The following SUN1 variants were observed in gnomAD, a reference collection of about 807,000 sequenced individuals.
SUN1 encodes the protein Sad1 and UNC84 domain containing 1, also known as SUN domain-containing protein 1.
In SUN1, 61 loss-of-function variants were observed where a neutral mutation model predicts 103.2. The ratio of observed to expected loss-of-function variants is 0.59; its 90% CI spans 0.48 to 0.73. The LOEUF (loss-of-function observed/expected upper bound fraction) is 0.73, where lower values mean the gene tolerates loss of function less well. SUN1 is among the 30% of genes least tolerant of loss of function. The pLI, the probability that SUN1 is intolerant of heterozygous loss-of-function variation, is 0.00. For synonymous variants in SUN1, 490 were observed against 425.7 expected, an observed-to-expected ratio of 1.15 and a Z score of -1.86; for missense variants, 1,052 against 1,034.6, an observed-to-expected ratio of 1.02 and a Z score of -0.23.
intron 1 of SUN1, among the ~76,000 whole-genome samples, chr7:821,101 C>T (rs1451320423): frequency 6.6e-6 from 1 of 151,188 alleles, no homozygotes; most frequent in Non-Finnish European, 1.5e-5. Flanking sequence ...AAAAAATAGC[C>T]CTTTCTCAAA....
intron 1 of SUN1, among the ~76,000 whole-genome samples, chr7:821,232 C>T (rs1334484040): frequency 1.6e-5 from 2 of 125,284 alleles, no homozygotes; most frequent in East Asian, 2.3e-4. Flanking sequence ...TGCAGTGGAG[C>T]GATCTCGGCT....
intron 1 of SUN1, chr7:817,217 C>T (rs376692771): frequency 3.8e-5 from 22 of 583,520 alleles, no homozygotes; most frequent in East Asian, 1.5e-4. Context: ...GCCTCCGCCT[C>T]CCGAAGCGCT....
At chr7:869,199 T>A in intron 16 of SUN1, 150 bp from the exon 17 acceptor site, 3 of 953,342 alleles carry the variant, frequency 3.1e-6, no homozygotes, top group African/African-American at 1.7e-5. Context: ...TACAAATGCC[T>A]TTCCCAGCTT....
chr7:853,832 A>G (rs537928046), intron 10 of SUN1, among the ~76,000 whole-genome samples: 4 of 152,304 alleles, frequency 2.6e-5, no homozygotes, highest in South Asian at 4.1e-4. Context: ...CATAGCGCAC[A>G]TGGAAGTGGT....
chr7:854,969 T>C lies in SUN1; in HGVS notation c.1313T>C (p.Leu438Ser), dbSNP rs202208773. The change falls in exon 11 of 19, where the codon TTG (leucine) becomes TCG (serine). Residue 438 changes from leucine (L) to serine (S), a missense_variant. By Grantham distance (145) the Leu-to-Ser change is moderately radical. Around this residue, in one of 2 missense-constraint regions of SUN1, gnomAD observed 846 missense variants for 774.5 expected, o/e 1.09. Transcript: ENST00000401592. ...GAACATGAAGTGCGTATGTCACACTTGGAAGATATTCTGGGAAAACTGAGA... is the reference window on the plus strand; with the variant it reads ...GAACATGAAGTGCGTATGTCACACTCGGAAGATATTCTGGGAAAACTGAGA... The part of the protein sequence containing the change: ...HQEHEVRMSH[L>S]EDILGKLREK... The C allele has an allele frequency of 6.2e-7, 1 of 1,613,958 alleles. No individual in the cohort carries two copies. Among genetic ancestry groups the C allele is most frequent in the Non-Finnish European group, 8.5e-7 (1 of 1,179,940 alleles).
At chr7:847,045 AGATTCTG>A (rs1212440184) in intron 5 of SUN1, among the ~76,000 whole-genome samples, 3 of 152,218 alleles carry the variant, frequency 2.0e-5, no homozygotes, top group African/African-American at 7.2e-5. Flanking sequence ...GCAAAGGAGG[AGATTCTG>A]GTGCTCCAGT....
intron 1 of SUN1, among the ~76,000 whole-genome samples, chr7:835,437 A>T (rs1465232926): frequency 6.6e-6 from 1 of 152,248 alleles, no homozygotes; most frequent in Non-Finnish European, 1.5e-5. Flanking sequence ...GGGCTTCTTA[A>T]TGTATTTAGT....
At chr7:816,500 C>A, upstream of SUN1, 2 of 278,296 alleles carry the variant, frequency 7.2e-6, no homozygotes, top group South Asian at 2.6e-5. Flanking sequence ...GCCCGCGGCC[C>A]GTAGCCGCCT....
chr7:869,529 G>C lies in SUN1; in HGVS notation c.2148+13G>C, dbSNP rs142058474. The C allele has an allele frequency of 4.3e-6, 7 of 1,609,708 alleles. No individual in the cohort carries two copies. The highest frequency in any genetic ancestry group is 5.1e-6 in the Non-Finnish European group (6 of 1,177,244). On this transcript the variant is annotated intron_variant, in intron 17 of 18. Coordinates refer to ENST00000401592, the MANE Select transcript of SUN1 (RefSeq NM_001130965.3). Reference sequence around the variant, plus strand: ...CTTCGCCGTCTATGTGAGTGCCCTTGGCCGACCCTCCTCCTCCCACACCTT... The same window carrying C: ...CTTCGCCGTCTATGTGAGTGCCCTTCGCCGACCCTCCTCCTCCCACACCTT...
intron 17 of SUN1, among the ~76,000 whole-genome samples, chr7:870,697 G>A (rs1184588378): frequency 1.3e-5 from 2 of 152,052 alleles, no homozygotes; most frequent in South Asian, 4.2e-4. Context: ...TTATCTGGCC[G>A]CTTCTCCTCT....
At chr7:859,844 G>A (rs535809490) in intron 13 of SUN1, among the ~76,000 whole-genome samples, 225 of 152,246 alleles carry the variant, frequency 1.5e-3, no homozygotes, top group African/African-American at 5.1e-3. Flanking sequence ...CTTGCGGGAT[G>A]GACACGCACC....
At chr7:851,863 T>C (rs1327748918) in intron 6 of SUN1, 87 bp from the exon 7 acceptor site, 2 of 1,379,944 alleles carry the variant, frequency 1.4e-6, no homozygotes, top group Non-Finnish European at 2.0e-6. Flanking sequence ...CATGTGCTTC[T>C]AGCTTGGCCT....
chr7:839,433 G>A (rs1275039337), intron 2 of SUN1, among the ~76,000 whole-genome samples: 1 of 152,232 alleles, frequency 6.6e-6, no homozygotes, highest in African/African-American at 2.4e-5. Flanking sequence ...CGCCCAGGGT[G>A]GAATGCAGTG....
rs761599665 is a variant in SUN1, at chr7:832,494, G to A, written c.-31G>A. Reference sequence around the variant, plus strand: ...TTAAAACACTCTGCATTTCTTTCCCGCCCTCTGCAGTATGGTTTGAAGTGG... The same window carrying A: ...TTAAAACACTCTGCATTTCTTTCCCACCCTCTGCAGTATGGTTTGAAGTGG... On this transcript the variant is annotated 5_prime_UTR_variant, in exon 1 of 19. Coordinates refer to ENST00000401592, the MANE Select transcript of SUN1 (RefSeq NM_001130965.3). 35 of 1,603,898 alleles carry A rather than the reference G, an allele frequency of 2.2e-5. No homozygotes were observed. Among genetic ancestry groups the A allele is most frequent in the East Asian group, 1.1e-4 (5 of 44,648 alleles).
At chr7:858,747 C>A (rs1020347555) in intron 13 of SUN1, among the ~76,000 whole-genome samples, 2 of 152,232 alleles carry the variant, frequency 1.3e-5, no homozygotes, top group Non-Finnish European at 2.9e-5. Context: ...TGGCAGAAGT[C>A]ATCAAAGTCA....
chr7:839,413 C>CT (rs1240864460), intron 2 of SUN1, among the ~76,000 whole-genome samples: 1 of 152,244 alleles, frequency 6.6e-6, no homozygotes, highest in Non-Finnish European at 1.5e-5. Context: ...GAGACGGAGT[C>CT]TCGCTCTGTC....
chr7:861,723 G>A (rs868499684), intron 15 of SUN1, among the ~76,000 whole-genome samples: 5 of 152,346 alleles, frequency 3.3e-5, no homozygotes, highest in Middle Eastern at 3.4e-3. Context: ...CACAGAAAGT[G>A]TGCTCGACTG....
intron 2 of SUN1, 115 bp downstream of exon 2, chr7:839,101 G>C: frequency 9.3e-7 from 1 of 1,078,140 alleles, no homozygotes; most frequent in Non-Finnish European, 1.3e-6. Context: ...ATATGTGTGT[G>C]TATGTGCGTG....
intron 2 of SUN1, among the ~76,000 whole-genome samples, chr7:840,789 C>T (rs1808878059): frequency 6.8e-6 from 1 of 147,326 alleles, no homozygotes; most frequent in Non-Finnish European, 1.5e-5. Flanking sequence ...CTACAGGTGC[C>T]CGCCACCATG....
Sources: allele counts gnomAD v4.1 joint callset (sites outside exome capture counted in the v4.1 genomes callset), GRCh38; gene constraint gnomAD v4.1.1; regional missense constraint gnomAD v4.1.1; transcripts MANE v1.5; gene names NCBI Gene and HGNC (gene_info 2026-07-23, HGNC 2026-07-21).